The following FLT3LG variants were observed in gnomAD, a reference collection of about 807,000 sequenced individuals.
FLT3LG encodes fms-related tyrosine kinase 3 ligand.
A neutral mutation model predicts 30.9 loss-of-function variants in FLT3LG; 8 were observed. The observed-to-expected ratio is 0.26, with a 90% CI of 0.15 to 0.47. The LOEUF (loss-of-function observed/expected upper bound fraction) is 0.47, where lower values mean the gene tolerates loss of function less well. Ranked by LOEUF, FLT3LG falls within the 20% of genes least tolerant of loss-of-function variation. The pLI is 0.99. For synonymous variants in FLT3LG, 123 were observed against 135.9 expected, an observed-to-expected ratio of 0.91 and a Z score of 0.66; for missense variants, 278 against 306.2, an observed-to-expected ratio of 0.91 and a Z score of 0.69.
rs2079416786 is a variant in FLT3LG, at chr19:49,476,974, C to T, written c.342+408C>T. ...CCAGCCTGGCCAACATGATGAAATC[C>T]CGGCTGTACTAAAAATACAAAAATT... On this transcript the variant is annotated intron_variant, in intron 5 of 8. Transcript: ENST00000597551. This position sits in a 1 kb window ranked among gnomAD's most constrained non-coding sequence, Gnocchi z 5.3. 6.6e-6 allele frequency among the ~76,000 whole-genome samples: 1 copy of T among 150,912 alleles called. No individual in the cohort carries two copies. Among genetic ancestry groups the T allele is most frequent in the Non-Finnish European group, 1.5e-5 (1 of 67,732 alleles).
intron 2 of FLT3LG, 110 bp downstream of exon 2, chr19:49,474,782 T>C (rs1451112133): frequency 3.3e-6 from 4 of 1,195,704 alleles, no homozygotes; most frequent in South Asian, 2.6e-5. Context: ...GACGAGGAAA[T>C]AGGAGGGGAG....
intron 8 of FLT3LG, among the ~76,000 whole-genome samples, chr19:49,483,449 A>C (rs957748021): frequency 6.6e-6 from 1 of 152,082 alleles, no homozygotes; most frequent in South Asian, 2.1e-4. Flanking sequence ...TGCTTCATCT[A>C]TATTTAAATT....
At chr19:49,474,736 A>G in intron 2 of FLT3LG, 64 bp downstream of exon 2, 1 of 1,524,878 alleles carries the variant, frequency 6.6e-7, no homozygotes, top group Admixed American at 1.8e-5. Context: ...TGGGGCAGAG[A>G]TGAGGGGAGA....
chr19:49,476,825 C>CAA lies in FLT3LG; in HGVS notation c.342+267_342+268dup. The stretch of plus-strand genomic sequence containing the variant: ...GGGTGCCACTGAGGGGTTCTTCCCC[C>CAA]AAAAAAAAACAGGGAGAGAAGGGGT... On this transcript the variant is annotated intron_variant, in intron 5 of 8. Transcript: ENST00000597551. The surrounding 1 kb of genome is among the most constrained non-coding windows in gnomAD (Gnocchi z 5.3). 9.8e-6 allele frequency: 4 copies of CAA among 407,716 alleles called. No individual in the cohort carries two copies. Among genetic ancestry groups the CAA allele is most frequent in the South Asian group, 2.7e-5 (1 of 36,436 alleles). The allele number at this position is 407,716 out of a possible 1,614,324, so 25.3% of individuals were successfully genotyped here. A position where few individuals can be genotyped will look rare whatever the true frequency, so the allele number is the denominator to read the frequency against.
chr19:49,474,364 G>A lies in FLT3LG; in HGVS notation c.-38+83G>A, dbSNP rs1040655295. On this transcript the variant is annotated intron_variant, in intron 1 of 8. Coordinates refer to ENST00000597551, the MANE Select transcript of FLT3LG (RefSeq NM_001459.4). Reference sequence around the variant, plus strand: ...CTGGGGCAGGGGGAGCAGAGGGTGGGGGGCTGGGTTCCCGGGTCCCTAACC... The same window carrying A: ...CTGGGGCAGGGGGAGCAGAGGGTGGAGGGCTGGGTTCCCGGGTCCCTAACC... The A allele has an allele frequency of 5.2e-6, 3 of 575,168 alleles. No individual in the cohort carries two copies. The African/African-American group carries it at 5.6e-5, about 11-fold the overall frequency. 35.6% of individuals were successfully genotyped at this position (575,168 alleles called of 1,614,324 possible). A position where few individuals can be genotyped will look rare whatever the true frequency, so the allele number is the denominator to read the frequency against.
At position 49,476,673 on chromosome 19, in the gene FLT3LG, A is replaced by G; in HGVS notation, c.342+107A>G. 1 of 1,480,186 alleles carries G rather than the reference A, an allele frequency of 6.8e-7. No individual in the cohort carries two copies. Among genetic ancestry groups the G allele is most frequent in the Non-Finnish European group, 9.2e-7 (1 of 1,083,100 alleles). 91.7% of individuals were successfully genotyped at this position (1,480,186 alleles called of 1,614,324 possible). A position where few individuals can be genotyped will look rare whatever the true frequency, so the allele number is the denominator to read the frequency against. On this transcript the variant is annotated intron_variant, in intron 5 of 8. Coordinates refer to ENST00000597551, the MANE Select transcript of FLT3LG (RefSeq NM_001459.4). This position sits in a 1 kb window ranked among gnomAD's most constrained non-coding sequence, Gnocchi z 5.3. ...TGGCGATTTGGACCATAGCCACCCA[A>G]CGAAGGTAGAGCGAGAAGCGCCACC...
At chr19:49,481,874 G>T (rs1477481421) in intron 8 of FLT3LG, 1 of 151,822 alleles carries the variant, frequency 6.6e-6, no homozygotes, top group African/African-American at 2.4e-5. Flanking sequence ...TGTATTTTTA[G>T]TAGAGATGGG....
chr19:49,484,101 T>C (rs969071601), intron 8 of FLT3LG, among the ~76,000 whole-genome samples: 2 of 151,112 alleles, frequency 1.3e-5, no homozygotes, highest in East Asian at 2.0e-4. Flanking sequence ...GCCAGGATTG[T>C]CTCGATCTCT....
intron 6 of FLT3LG, 135 bp from the exon 7 acceptor site, chr19:49,480,163 T>C: frequency 1.6e-6 from 1 of 638,102 alleles, no homozygotes; most frequent in Non-Finnish European, 2.8e-6. Context: ...ATCCTAGTTT[T>C]ACAGATGAGC....
At chr19:49,477,635 G>C (rs1374297626) in intron 5 of FLT3LG, among the ~76,000 whole-genome samples, 1 of 151,640 alleles carries the variant, frequency 6.6e-6, no homozygotes, top group African/African-American at 2.4e-5. Flanking sequence ...CCAGCTACTT[G>C]GGAGACTGAG....
chr19:49,482,543 A>G (rs994103937), intron 8 of FLT3LG, among the ~76,000 whole-genome samples: 2 of 152,078 alleles, frequency 1.3e-5, no homozygotes, highest in Admixed American at 6.6e-5. Context: ...GGTGAAGTGA[A>G]GTGACACAGG....
In FLT3LG at chr19:49,476,130, T is replaced by C. The variant is rs1284765944; in HGVS notation, c.145-15T>C. The C allele has an allele frequency of 6.2e-7, 1 of 1,613,890 alleles. No homozygotes were observed. Among genetic ancestry groups the C allele is most frequent in the South Asian group, 1.1e-5 (1 of 91,076 alleles). On this transcript the variant is annotated splice_polypyrimidine_tract_variant and intron_variant, in intron 3 of 8. Transcript: ENST00000597551. The surrounding 1 kb of genome is among the most constrained non-coding windows in gnomAD (Gnocchi z 5.3). Reference sequence around the variant, plus strand: ...CGCTGTTTTCAGCCAGGCCTGATCCTGTTTTCTCCCGCAGTCTGACTACCT... The same window carrying C: ...CGCTGTTTTCAGCCAGGCCTGATCCCGTTTTCTCCCGCAGTCTGACTACCT...
rs760433482 is a variant in FLT3LG, at chr19:49,479,021, G to C, written c.455G>C (p.Arg152Pro). ...KPWITRQNFS[R>P]CLELQCQPDS... ...TGGATCACTCGCCAGAACTTCTCCCGGTGCCTGGAGCTGCAGTGTCAGCCC... is the reference window on the plus strand; with the variant it reads ...TGGATCACTCGCCAGAACTTCTCCCCGTGCCTGGAGCTGCAGTGTCAGCCC... Residue 152 changes from arginine (R) to proline (P), a missense_variant, in exon 6 of 9, where the codon CGG becomes CCG. Arg to Pro is a moderately radical substitution (Grantham distance 103). Around this residue, in one of 3 missense-constraint regions of FLT3LG, gnomAD observed 170 missense variants for 162.0 expected, o/e 1.05. Transcript: ENST00000597551. The C allele has an allele frequency of 1.2e-6, 2 of 1,607,842 alleles. No individual in the cohort carries two copies. The highest frequency in any genetic ancestry group is 2.7e-5 in the African/African-American group (2 of 74,622).
intron 2 of FLT3LG, 59 bp downstream of exon 2, chr19:49,474,731 C>A: frequency 1.3e-6 from 2 of 1,557,298 alleles, no homozygotes; most frequent in South Asian, 2.3e-5. Context: ...CAGGATGGGG[C>A]AGAGATGAGG....
intron 1 of FLT3LG, 70 bp downstream of exon 1, chr19:49,474,351 G>A: frequency 1.8e-6 from 1 of 565,404 alleles, no homozygotes; most frequent in South Asian, 2.1e-5. Context: ...GGGGCAGGGG[G>A]AGCAGAGGGT....
At position 49,479,047 on chromosome 19, in the gene FLT3LG, G is replaced by A. The variant is rs1222810666; in HGVS notation, c.481G>A (p.Asp161Asn). Residue 161 changes from aspartate (D) to asparagine (N), a missense_variant and splice_region_variant, in exon 6 of 9, where the codon GAC becomes AAC. By Grantham distance (23) the Asp-to-Asn change is conservative. Transcript: ENST00000597551. ...GTGCCTGGAGCTGCAGTGTCAGCCC[G>A]GTAAAGGCTTCCAGGCACCCCCACT... Reference protein sequence around the residue: ...SRCLELQCQPDSSTLPPPWSP... With the variant: ...SRCLELQCQPNSSTLPPPWSP... The A allele has an allele frequency of 1.9e-6, 3 of 1,605,630 alleles. No homozygotes were observed. The highest frequency in any genetic ancestry group is 2.6e-6 in the Non-Finnish European group (3 of 1,176,112).
intron 8 of FLT3LG, among the ~76,000 whole-genome samples, chr19:49,485,078 G>C (rs918673186): frequency 6.6e-6 from 1 of 151,804 alleles, no homozygotes. Flanking sequence ...GAGCAAGACT[G>C]TCTCAAAAGA....
chr19:49,478,783 T>C (rs1276421559), intron 5 of FLT3LG, 126 bp from the exon 6 acceptor site: 2 of 837,180 alleles, frequency 2.4e-6, no homozygotes, highest in African/African-American at 1.8e-5. Context: ...ATTAAATAAA[T>C]AAACTCTGAG....
intron 8 of FLT3LG, 177 bp downstream of exon 8, chr19:49,480,797 C>G: frequency 1.6e-6 from 1 of 629,372 alleles, no homozygotes; most frequent in Non-Finnish European, 2.7e-6. Flanking sequence ...TTTGGGAGGC[C>G]GAGGCGGGTG....
Sources: gnomAD v4.1 joint callset for allele counts (sites outside exome capture counted in the v4.1 genomes callset) on GRCh38, gnomAD v4.1.1 for gene constraint, gnomAD v4.1.1 regional missense constraint, Gnocchi (gnomAD v3.1) non-coding constraint, MANE v1.5 for transcripts, NCBI Gene and HGNC (gene_info 2026-07-23, HGNC 2026-07-21) for gene names.